DVL1: variants seen among roughly 807,000 people sequenced by gnomAD.
DVL1 encodes the protein dishevelled segment polarity protein 1, also known as segment polarity protein dishevelled homolog DVL-1.
Under a neutral mutation model 65.0 loss-of-function variants are expected in DVL1, and 49 were observed. The ratio of observed to expected loss-of-function variants is 0.75; its 90% CI spans 0.60 to 0.96. DVL1 has a LOEUF of 0.96. Among genes scored for constraint, DVL1 ranks in the 40% least tolerant of loss-of-function variants. The pLI, the probability that DVL1 is intolerant of heterozygous loss-of-function variation, is 0.00. For synonymous variants in DVL1, 608 were observed against 433.9 expected, an observed-to-expected ratio of 1.40 and a Z score of -4.99; for missense variants, 1,197 against 1,045.4, an observed-to-expected ratio of 1.15 and a Z score of -2.00.
In DVL1 at chr1:1,338,158, ACT is replaced by A; in HGVS notation, c.1531_1532del (p.Ser511TrpfsTer48). 6.2e-7 allele frequency: 1 copy of A among 1,608,926 alleles called. No individual in the cohort carries two copies. The highest frequency in any genetic ancestry group is 8.5e-7 in the Non-Finnish European group (1 of 1,178,080). On this transcript the variant is annotated frameshift_variant, in exon 14 of 15. Coordinates refer to ENST00000378888, the MANE Select transcript of DVL1 (RefSeq NM_001330311.2). LOFTEE classifies it high-confidence loss of function. ...CSNLATLNLN[S>X]GSSGTSDQDT... ...CCTGATCCGAAGTCCCACTGGAGCCACTGTTGAGGTTCAGGGTGGCGAGATCT... is the reference window on the plus strand; with the variant it reads ...CCTGATCCGAAGTCCCACTGGAGCCAGTTGAGGTTCAGGGTGGCGAGATCT...
In DVL1 at chr1:1,336,520, G is replaced by C. The variant is rs776551474; in HGVS notation, c.1715-5C>G. The C allele has an allele frequency of 2.7e-6, 4 of 1,505,994 alleles. No individual in the cohort carries two copies. In the Admixed American group the frequency reaches 8.6e-5, roughly 32 times the overall value. 93.3% of individuals were successfully genotyped at this position (1,505,994 alleles called of 1,614,324 possible). A position where few individuals can be genotyped will look rare whatever the true frequency, so the allele number is the denominator to read the frequency against. On this transcript the variant is annotated splice_region_variant and splice_polypyrimidine_tract_variant and intron_variant, in intron 14 of 14. Coordinates refer to ENST00000378888, the MANE Select transcript of DVL1 (RefSeq NM_001330311.2). Reference sequence around the variant, plus strand: ...TGGACCCACTGCTTTTGCTCCCTGGGAGTGAGAACAGGATGGGGAAGGAGC... The same window carrying C: ...TGGACCCACTGCTTTTGCTCCCTGGCAGTGAGAACAGGATGGGGAAGGAGC...
chr1:1,336,194 G>C lies in DVL1; in HGVS notation c.2036C>G (p.Ser679Cys). Reference sequence around the variant, plus strand: ...GGGGTTCCCCATAGCCTTCTGGAAGGACTGGCGGCTGCCTGTCAATTCCGG... The same window carrying C: ...GGGGTTCCCCATAGCCTTCTGGAAGCACTGGCGGCTGCCTGTCAATTCCGG... Reference protein sequence around the residue: ...VPPELTGSRQSFQKAMGNPCE... With the variant: ...VPPELTGSRQCFQKAMGNPCE... Residue 679 changes from serine to cysteine, a missense_variant, in exon 15 of 15, where the codon TCC (serine) becomes TGC (cysteine). Transcript: ENST00000378888. The C allele has an allele frequency of 1.3e-6, 2 of 1,567,464 alleles. No individual in the cohort carries two copies. The highest frequency in any genetic ancestry group is 1.7e-6 in the Non-Finnish European group (2 of 1,162,088).
chr1:1,348,607 G>T (rs902579780), intron 1 of DVL1, among the ~76,000 whole-genome samples: 1 of 152,170 alleles, frequency 6.6e-6, no homozygotes, highest in Admixed American at 6.5e-5. Context: ...AGCCCCGGTG[G>T]AAGCGATGCG....
chr1:1,341,744 G>A lies in DVL1; in HGVS notation c.528C>T (p.Asp176=). ...DRRRDVGLPP[D]SASTALSSEL... ...CGCTGCTGAGGGCGGTGGACGCGCT[G>A]TCTGGGGGCAGCCCCACATCCCGCC... The change falls in exon 5 of 15, where the codon GAC becomes GAT. Residue 176 remains aspartate (D), a synonymous_variant. Coordinates refer to ENST00000378888, the MANE Select transcript of DVL1 (RefSeq NM_001330311.2). 1 of 1,609,584 alleles carries A rather than the reference G, an allele frequency of 6.2e-7. No individual in the cohort carries two copies. The highest frequency in any genetic ancestry group is 8.5e-7 in the Non-Finnish European group (1 of 1,177,992).
Position 1,339,393 on chromosome 1 carries a change from C to G in DVL1, c.1101G>C (p.Thr367=), listed in dbSNP as rs775371452. Residue 367 remains threonine (T), a synonymous_variant, in exon 11 of 15, where the codon ACG becomes ACC. Coordinates refer to ENST00000378888, the MANE Select transcript of DVL1 (RefSeq NM_001330311.2). ...GGGGCAGGGCTCCTGTCAGTGCCGC[C>G]GTGTGGGACAGCCAGGCGGCGGGGT... ...PIDPAAWLSH[T]AALTGALPRY... The G allele has an allele frequency of 6.5e-7, 1 of 1,530,372 alleles. No individual in the cohort carries two copies. Among genetic ancestry groups the G allele is most frequent in the Non-Finnish European group, 8.8e-7 (1 of 1,135,566 alleles). 94.8% of individuals were successfully genotyped at this position (1,530,372 alleles called of 1,614,324 possible).
In DVL1 at chr1:1,336,591, A is replaced by G. The variant is rs980021604; in HGVS notation, c.1715-76T>C. The G allele has an allele frequency of 1.1e-4, 167 of 1,458,422 alleles. No individual in the cohort carries two copies. In the Middle Eastern group the frequency reaches 1.3e-3, roughly 11 times the overall value. 90.3% of individuals were successfully genotyped at this position (1,458,422 alleles called of 1,614,324 possible). On this transcript the variant is annotated intron_variant, in intron 14 of 14. Transcript: ENST00000378888. ...CACGTCCAGAACAACCGCCCCCGCC[A>G]GGTGACCGGGCAGGAACGGTGGCCC...
chr1:1,335,684 G>A lies in DVL1; in HGVS notation c.*458C>T, dbSNP rs967072449. ...CTGCTCCAAGGGGCAGCAGCAGGTG[G>A]GACAGATGACAGGGTCGCCTCCTCC... On this transcript the variant is annotated 3_prime_UTR_variant, in exon 15 of 15. Coordinates refer to ENST00000378888, the MANE Select transcript of DVL1 (RefSeq NM_001330311.2). The A allele has an allele frequency of 5.9e-6, 1 of 169,908 alleles. No homozygotes were observed. Among genetic ancestry groups the A allele is most frequent in the Non-Finnish European group, 1.3e-5 (1 of 78,668 alleles). 10.5% of individuals were successfully genotyped at this position (169,908 alleles called of 1,614,324 possible). A position where few individuals can be genotyped will look rare whatever the true frequency, so the allele number is the denominator to read the frequency against.
intron 14 of DVL1, 44 bp downstream of exon 14, chr1:1,337,933 T>TG: frequency 6.6e-7 from 1 of 1,514,566 alleles, no homozygotes; most frequent in Non-Finnish European, 9.1e-7. Flanking sequence ...GGGGCGGAGC[T>TG]GGGGGCGGAG....
chr1:1,339,058 C>T (rs1320187979), intron 11 of DVL1, among the ~76,000 whole-genome samples: 1 of 152,334 alleles, frequency 6.6e-6, no homozygotes, highest in Non-Finnish European at 1.5e-5. Context: ...GTGCTCCCCG[C>T]ATAGGGGCCC....
chr1:1,338,487 C>G, intron 12 of DVL1, 35 bp downstream of exon 12: 2 of 1,611,316 alleles, frequency 1.2e-6, no homozygotes, highest in Non-Finnish European at 1.7e-6. Context: ...CAGCCCTGCC[C>G]CTGGCACTAT....
chr1:1,340,705 G>C (rs1052069491), intron 5 of DVL1, among the ~76,000 whole-genome samples: 1 of 152,126 alleles, frequency 6.6e-6, no homozygotes, highest in African/African-American at 2.4e-5. Flanking sequence ...CAGGCAAACT[G>C]GGCACAGACA....
intron 1 of DVL1, among the ~76,000 whole-genome samples, chr1:1,348,627 G>C (rs999554273): frequency 6.6e-6 from 1 of 152,170 alleles, no homozygotes; most frequent in African/African-American, 2.4e-5. Context: ...GGCCGACCGA[G>C]TCTGACACGG....
intron 1 of DVL1, among the ~76,000 whole-genome samples, chr1:1,347,183 C>T (rs1456122356): frequency 2.0e-5 from 3 of 152,092 alleles, no homozygotes; most frequent in African/African-American, 7.2e-5. Flanking sequence ...CTTTCCAACC[C>T]CCACAGCCCA....
At position 1,338,058 on chromosome 1, in the gene DVL1, G is replaced by A. The variant is rs769086399; in HGVS notation, c.1633C>T (p.Pro545Ser). ...GQGYPYQYPG[P>S]PPCFPPAYQD... ...TAGGCAGGCGGGAAGCAGGGTGGGGGTCCCGGGTACTGGTAGGGGTAGCCC... is the reference window on the plus strand; with the variant it reads ...TAGGCAGGCGGGAAGCAGGGTGGGGATCCCGGGTACTGGTAGGGGTAGCCC... Residue 545 changes from proline to serine, a missense_variant, in exon 14 of 15, where the codon CCC becomes TCC. Coordinates refer to ENST00000378888, the MANE Select transcript of DVL1 (RefSeq NM_001330311.2). The A allele has an allele frequency of 2.5e-6, 4 of 1,611,272 alleles. No homozygotes were observed. In the Admixed American group the frequency reaches 5.0e-5, roughly 20 times the overall value.
At position 1,341,105 on chromosome 1, in the gene DVL1, A is replaced by ACCTGCACACGCACG. The variant is rs1017499939; in HGVS notation, c.605+548_605+561dup. Among the ~76,000 whole-genome samples, 4 of 141,840 alleles carry ACCTGCACACGCACG rather than the reference A, an allele frequency of 2.8e-5. No homozygotes were observed. In the South Asian group the frequency reaches 9.1e-4, roughly 32 times the overall value. 93.1% of individuals were successfully genotyped at this position (141,840 alleles called of 152,430 possible). On this transcript the variant is annotated intron_variant, in intron 5 of 14. Coordinates refer to ENST00000378888, the MANE Select transcript of DVL1 (RefSeq NM_001330311.2). ...CCTGCACACAGGCACACCTGCACAC[A>ACCTGCACACGCACG]CCTGCACACGCACGCCTGCACATGC...
At chr1:1,341,439 C>T (rs1200226436) in intron 5 of DVL1, among the ~76,000 whole-genome samples, 1 of 152,026 alleles carries the variant, frequency 6.6e-6, no homozygotes, top group African/African-American at 2.4e-5. Flanking sequence ...CACGTTTGCA[C>T]GCGGGCACAC....
At position 1,341,583 on chromosome 1, in the gene DVL1, ACCT is replaced by A. The variant is rs1643830534; in HGVS notation, c.605+81_605+83del. ...ACGCACACACGTGCAATGTGAAAAC[ACCT>A]CATGCAGACACATGCACATCATGTA... is the stretch of plus-strand genomic sequence containing the variant. On this transcript the variant is annotated intron_variant, in intron 5 of 14. Transcript: ENST00000378888. 9 of 1,374,058 alleles carry A rather than the reference ACCT, an allele frequency of 6.5e-6. No homozygotes were observed. The South Asian group carries it at 1.1e-4, about 17-fold the overall frequency. The allele number at this position is 1,374,058 out of a possible 1,614,324, so 85.1% of individuals were successfully genotyped here.
Position 1,338,251 on chromosome 1 carries a change from C to T in DVL1, c.1507+18G>A, listed in dbSNP as rs375337359. ...CGTTCCCCTCCCCCCCGCCCTGAAGCCCGAAGCCCCCACTCACTGCTGCAG... is the reference window on the plus strand; with the variant it reads ...CGTTCCCCTCCCCCCCGCCCTGAAGTCCGAAGCCCCCACTCACTGCTGCAG... On this transcript the variant is annotated intron_variant, in intron 13 of 14. Coordinates refer to ENST00000378888, the MANE Select transcript of DVL1 (RefSeq NM_001330311.2). The T allele has an allele frequency of 1.9e-6, 2 of 1,027,258 alleles. No homozygotes were observed. The highest frequency in any genetic ancestry group is 1.7e-5 in the African/African-American group (1 of 59,632). 63.6% of individuals were successfully genotyped at this position (1,027,258 alleles called of 1,614,324 possible).
At chr1:1,346,060 A>G (rs1350050849) in intron 1 of DVL1, among the ~76,000 whole-genome samples, 1 of 152,068 alleles carries the variant, frequency 6.6e-6, no homozygotes, top group Non-Finnish European at 1.5e-5. Flanking sequence ...ACCCTCCCAA[A>G]ACCAGGGAGG....
Sources: gnomAD v4.1 joint callset for allele counts (sites outside exome capture counted in the v4.1 genomes callset) on GRCh38, gnomAD v4.1.1 for gene constraint, MANE v1.5 for transcripts, NCBI Gene and HGNC (gene_info 2026-07-23, HGNC 2026-07-21) for gene names.